Variants in SPAG1 observed in about 807,000 individuals in gnomAD.
SPAG1 encodes the protein sperm associated antigen 1, also known as sperm-associated antigen 1.
SPAG1 carries 69 observed loss-of-function variants against 100.5 expected under a neutral mutation model. The observed-to-expected ratio is 0.69, with a 90% CI of 0.57 to 0.84. The LOEUF (loss-of-function observed/expected upper bound fraction) is 0.84, where lower values mean the gene tolerates loss of function less well. Among genes scored for constraint, SPAG1 ranks in the 40% least tolerant of loss-of-function variants. The pLI, the probability that SPAG1 is intolerant of heterozygous loss-of-function variation, is 0.00. For synonymous variants in SPAG1, 336 were observed against 411.6 expected (o/e 0.82, Z 2.22); for missense variants, 955 against 1,133.1 (o/e 0.84, Z 2.26).
intron 16 of SPAG1, among the ~76,000 whole-genome samples, chr8:100,235,503 T>C (rs1310566971): frequency 6.6e-6 from 1 of 151,866 alleles, no homozygotes; most frequent in Non-Finnish European, 1.5e-5. Context: ...GGTAGTGGTG[T>C]GATAATGGGG....
At position 100,213,160 on chromosome 8, in the gene SPAG1, G is replaced by C. The variant is rs1227791552; in HGVS notation, c.1167G>C (p.Leu389=). The part of the protein sequence containing the change: ...PCVMGNIQKK[L]TGKAEGGKRP... ...TCATGGGCAACATCCAGAAGAAGCT[G>C]ACTGGCAAAGCCGAAGGCGGCAAGC... Residue 389 remains leucine (L), a synonymous_variant, in exon 11 of 19, where the codon CTG becomes CTC. Transcript: ENST00000388798. 6.8e-7 allele frequency: 1 copy of C among 1,479,694 alleles called. No individual in the cohort carries two copies. Among genetic ancestry groups the C allele is most frequent in the Non-Finnish European group, 8.9e-7 (1 of 1,121,762 alleles). 91.7% of individuals were successfully genotyped at this position (1,479,694 alleles called of 1,614,324 possible).
intron 10 of SPAG1, among the ~76,000 whole-genome samples, chr8:100,203,642 T>G (rs772514366): frequency 6.6e-6 from 1 of 152,202 alleles, no homozygotes; most frequent in Non-Finnish European, 1.5e-5. Context: ...ACATAGTACC[T>G]TTGACCATAT....
intron 13 of SPAG1, among the ~76,000 whole-genome samples, chr8:100,220,634 CT>C (rs540616839): frequency 2.0e-3 from 298 of 152,248 alleles, no homozygotes; most frequent in South Asian, 5.8e-3. Flanking sequence ...CTGACTTGTC[CT>C]CTAATGCCTT....
intron 10 of SPAG1, among the ~76,000 whole-genome samples, chr8:100,203,630 A>G (rs1263491002): frequency 6.6e-6 from 1 of 152,222 alleles, no homozygotes; most frequent in Admixed American, 6.5e-5. Flanking sequence ...TAGTAACTCT[A>G]TACATAGTAC....
At position 100,208,240 on chromosome 8, in the gene SPAG1, A is replaced by C. The variant is rs139719397; in HGVS notation, c.1097-4850A>C. 2.0e-5 allele frequency among the ~76,000 whole-genome samples: 3 copies of C among 152,346 alleles called. No homozygotes were observed. The East Asian group carries it at 5.8e-4, about 29-fold the overall frequency. On this transcript the variant is annotated intron_variant, in intron 10 of 18. Transcript: ENST00000388798. ...TTGTGCTCCTCCTACCTTTAAGTCA[A>C]CTGGCTAAGAATGGAGTCACAGTGT...
In SPAG1 at chr8:100,241,628, T is replaced by A. The variant is rs1379316166; in HGVS notation, c.*606T>A. ...ATTAAGAACAAAAATTGCCAAAAAT[T>A]TCTACCACTTTTTACTAGATTTTAA... On this transcript the variant is annotated 3_prime_UTR_variant, in exon 19 of 19. Transcript: ENST00000388798. The surrounding 1 kb of genome is among the most constrained non-coding windows in gnomAD (Gnocchi z 5.1). 1 of 152,132 alleles carries A rather than the reference T, an allele frequency of 6.6e-6. No individual in the cohort carries two copies. The highest frequency in any genetic ancestry group is 1.5e-5 in the Non-Finnish European group (1 of 68,004). 9.4% of individuals were successfully genotyped at this position (152,132 alleles called of 1,614,324 possible).
At position 100,173,033 on chromosome 8, in the gene SPAG1, C is replaced by CTTTTT. The variant is rs149257955; in HGVS notation, c.301-4760_301-4756dup. Among the ~76,000 whole-genome samples, 8 of 63,660 alleles carry CTTTTT rather than the reference C, an allele frequency of 1.3e-4. 1 individual carries two copies. Among genetic ancestry groups the CTTTTT allele is most frequent in the Admixed American group, 2.2e-4 (1 of 4,556 alleles). 41.8% of individuals were successfully genotyped at this position (63,660 alleles called of 152,430 possible). A position where few individuals can be genotyped will look rare whatever the true frequency, so the allele number is the denominator to read the frequency against. ...GTGTCTTTGCTCTTCTTGACCACTT[C>CTTTTT]TTTTTTTTTTTTTTTTTTTTTTTTT... On this transcript the variant is annotated intron_variant, in intron 3 of 18. Transcript: ENST00000388798.
chr8:100,195,164 C>CAAA (rs34240029), intron 10 of SPAG1, among the ~76,000 whole-genome samples: 2 of 122,560 alleles, frequency 1.6e-5, no homozygotes, highest in Non-Finnish European at 3.6e-5. Context: ...GACTCCATCT[C>CAAA]AAAAAAAAAA....
rs530522201 is a variant in SPAG1, at chr8:100,203,327, T to TTA, written c.1096+9073_1096+9074dup. Reference sequence around the variant, plus strand: ...TTGTGAAAGTTAATACTGAATAAGCTTATATATATATATATCTCCTATTAG... The same window carrying TTA: ...TTGTGAAAGTTAATACTGAATAAGCTTATATATATATATATATCTCCTATTAG... On this transcript the variant is annotated intron_variant, in intron 10 of 18. Transcript: ENST00000388798. Among the ~76,000 whole-genome samples the TTA allele has an allele frequency of 4.5e-4, 68 of 151,438 alleles. 1 individual carries two copies. In the Middle Eastern group the frequency reaches 0.01, roughly 23 times the overall value.
intron 15 of SPAG1, 112 bp downstream of exon 15, chr8:100,231,400 G>T: frequency 1.4e-6 from 1 of 716,568 alleles, no homozygotes; most frequent in South Asian, 2.6e-5. Flanking sequence ...TTTTGTGATG[G>T]TTCTAAGAAT....
chr8:100,190,799 G>C (rs1816783926), intron 8 of SPAG1, among the ~76,000 whole-genome samples: 1 of 151,226 alleles, frequency 6.6e-6, no homozygotes, highest in Non-Finnish European at 1.5e-5. Context: ...CGAGTAGCTG[G>C]GATTACAGAT....
At position 100,213,304 on chromosome 8, in the gene SPAG1, C is replaced by A. The variant is rs1474984376; in HGVS notation, c.1311C>A (p.Gly437=). Residue 437 remains glycine (G), a synonymous_variant, in exon 11 of 19, where the codon GGC becomes GGA. Coordinates refer to ENST00000388798, the MANE Select transcript of SPAG1 (RefSeq NM_003114.5). ...GCGGCGGCGCCACCGGGCATCCGGG[C>A]GGCGGGCAGGGCGCGGAGAACCCTG... ...AAGGGATGHP[G]GGQGAENPAG... is the part of the protein sequence containing the mutation. 6 of 1,235,926 alleles carry A rather than the reference C, an allele frequency of 4.9e-6. No homozygotes were observed. The highest frequency in any genetic ancestry group is 6.1e-6 in the Non-Finnish European group (6 of 991,276). The allele number at this position is 1,235,926 out of a possible 1,614,324, so 76.6% of individuals were successfully genotyped here. A position where few individuals can be genotyped will look rare whatever the true frequency, so the allele number is the denominator to read the frequency against.
chr8:100,220,613 CTTAA>C (rs1261021250), intron 13 of SPAG1, among the ~76,000 whole-genome samples, 182 bp downstream of exon 13: 1 of 152,118 alleles, frequency 6.6e-6, no homozygotes, highest in Non-Finnish European at 1.5e-5. Context: ...CTGACTCTCC[CTTAA>C]TTAATTCTGA....
chr8:100,190,331 AT>A (rs1339768297), intron 8 of SPAG1, among the ~76,000 whole-genome samples: 6 of 150,990 alleles, frequency 4.0e-5, no homozygotes, highest in South Asian at 2.1e-4. Flanking sequence ...AAAAAAAAAA[AT>A]TCTCACTTTT....
chr8:100,205,337 A>G (rs972270713), intron 10 of SPAG1, among the ~76,000 whole-genome samples: 6 of 152,206 alleles, frequency 3.9e-5, no homozygotes, highest in African/African-American at 1.4e-4. Flanking sequence ...CATTTCAGGG[A>G]CTACTGGACA....
At chr8:100,228,410 C>CAACAAA (rs1818612534) in intron 14 of SPAG1, among the ~76,000 whole-genome samples, 2 of 129,582 alleles carry the variant, frequency 1.5e-5, no homozygotes, top group Admixed American at 1.6e-4. Context: ...CCATCTCTAC[C>CAACAAA]AAAAAAAAAA....
chr8:100,223,672 T>G (rs1818380730), intron 13 of SPAG1, among the ~76,000 whole-genome samples: 1 of 151,924 alleles, frequency 6.6e-6, no homozygotes. Context: ...GAATCTTATA[T>G]GTTAAATTTC....
At chr8:100,178,068 C>A in intron 4 of SPAG1, 127 bp downstream of exon 4, 1 of 644,302 alleles carries the variant, frequency 1.6e-6, no homozygotes, top group Non-Finnish European at 2.5e-6. Flanking sequence ...GGAGTTTGTT[C>A]AGCTGGCTGG....
chr8:100,219,757 A>G (rs530574876), intron 12 of SPAG1, among the ~76,000 whole-genome samples: 9 of 152,352 alleles, frequency 5.9e-5, no homozygotes, highest in African/African-American at 2.2e-4. Context: ...TTCATAACTT[A>G]GAAGAAATCA....
Sources: gnomAD v4.1 joint callset for allele counts (sites outside exome capture counted in the v4.1 genomes callset) on GRCh38, gnomAD v4.1.1 for gene constraint, Gnocchi (gnomAD v3.1) non-coding constraint, MANE v1.5 for transcripts, NCBI Gene and HGNC (gene_info 2026-07-23, HGNC 2026-07-21) for gene names.